Variants in TAFA2 observed in about 807,000 individuals in gnomAD.
TAFA2 encodes the protein TAFA chemokine like family member 2.
Under a neutral mutation model 18.8 loss-of-function variants are expected in TAFA2, and 7 were observed. The observed-to-expected ratio is 0.37, with a 90% CI of 0.21 to 0.70. TAFA2 has a LOEUF of 0.70. Among genes scored for constraint, TAFA2 ranks in the 30% least tolerant of loss-of-function variants. The probability of loss-of-function intolerance (pLI) is 0.53; values close to 1 mark genes in which losing one functional copy is unlikely to be tolerated. For missense variants in TAFA2, 122 were observed against 158.1 expected, an observed-to-expected ratio of 0.77 and a Z score of 1.23; for synonymous variants, 60 against 54.2, an observed-to-expected ratio of 1.11 and a Z score of -0.47.
chr12:61,763,648 G>T (rs541427671), intron 2 of TAFA2, among the ~76,000 whole-genome samples: 46 of 152,044 alleles, frequency 3.0e-4, no homozygotes, highest in African/African-American at 1.0e-3. Flanking sequence ...CTGCAGAACA[G>T]ACACATGGAA....
intron 1 of TAFA2, among the ~76,000 whole-genome samples, chr12:61,977,439 T>A (rs1879477481): frequency 3.3e-5 from 5 of 152,076 alleles, no homozygotes; most frequent in Admixed American, 3.3e-4. Context: ...GATACCTTAT[T>A]GTTTGACTTT....
chr12:62,075,723 A>C (rs1271285339), intron 1 of TAFA2, among the ~76,000 whole-genome samples: 8 of 152,186 alleles, frequency 5.3e-5, no homozygotes, highest in Admixed American at 1.3e-4. Context: ...TTTATGGTCA[A>C]TTACCAGTAA....
At chr12:62,203,744 A>G (rs1245657) in intron 1 of TAFA2, among the ~76,000 whole-genome samples, 135,290 of 152,232 alleles carry the variant, frequency 0.89, 60,230 homozygotes, top group Middle Eastern at 0.93. Flanking sequence ...CCATGAGCTC[A>G]GTCTCTTGAA....
At chr12:62,004,210 GAAGA>G (rs1412891938) in intron 1 of TAFA2, among the ~76,000 whole-genome samples, 9 of 152,098 alleles carry the variant, frequency 5.9e-5, no homozygotes, top group Admixed American at 3.9e-4. Flanking sequence ...AAGAAAGTGA[GAAGA>G]AAGATGAAAA....
chr12:62,105,761 A>T (rs75389656), intron 1 of TAFA2, among the ~76,000 whole-genome samples: 8,226 of 152,292 alleles, frequency 0.054, 331 homozygotes, highest in Non-Finnish European at 0.083. Context: ...TGTTAGCATT[A>T]AGAGGGATGT....
intron 1 of TAFA2, among the ~76,000 whole-genome samples, chr12:61,938,642 A>G (rs1877873084): frequency 6.6e-6 from 1 of 152,222 alleles, no homozygotes; most frequent in Admixed American, 6.5e-5. Context: ...TTGCAAAGAT[A>G]TGGAACCAAC....
intron 2 of TAFA2, among the ~76,000 whole-genome samples, chr12:61,768,099 C>A (rs978117912): frequency 6.6e-6 from 1 of 152,114 alleles, no homozygotes; most frequent in Non-Finnish European, 1.5e-5. Context: ...ATTCCCTCAA[C>A]AGGCATTGTG....
chr12:62,026,803 T>C (rs1261975808), intron 1 of TAFA2, among the ~76,000 whole-genome samples: 1 of 152,156 alleles, frequency 6.6e-6, no homozygotes, highest in Non-Finnish European at 1.5e-5. Context: ...AAAGAAAGCA[T>C]TTGGAATTGT....
At chr12:62,032,797 A>G (rs1490763372) in intron 1 of TAFA2, among the ~76,000 whole-genome samples, 1 of 152,222 alleles carries the variant, frequency 6.6e-6, no homozygotes, top group Non-Finnish European at 1.5e-5. Context: ...TCAGACAAAA[A>G]GAAACAGAAG....
chr12:61,723,266 A>G (rs1401065709), intron 4 of TAFA2, among the ~76,000 whole-genome samples: 6 of 152,194 alleles, frequency 3.9e-5, no homozygotes, highest in Non-Finnish European at 8.8e-5. Context: ...TATTGGAGAA[A>G]AAGAATATTA....
chr12:62,014,999 GT>G (rs1475566549), intron 1 of TAFA2, among the ~76,000 whole-genome samples: 1 of 152,056 alleles, frequency 6.6e-6, no homozygotes, highest in East Asian at 1.9e-4. Flanking sequence ...AACCAAAACT[GT>G]TTTCCAAAAA....
intron 2 of TAFA2, among the ~76,000 whole-genome samples, chr12:61,839,215 T>C (rs557999378): frequency 1.3e-5 from 2 of 152,184 alleles, no homozygotes; most frequent in South Asian, 4.1e-4. Context: ...AAGATGCAGA[T>C]GAACTTGTTT....
intron 1 of TAFA2, among the ~76,000 whole-genome samples, chr12:62,172,238 C>T (rs2062483103): frequency 1.3e-5 from 2 of 152,102 alleles, no homozygotes. Flanking sequence ...TTCCTCCCTT[C>T]CTTCCTCCCT....
chr12:62,122,423 C>T (rs1870239417), intron 1 of TAFA2, among the ~76,000 whole-genome samples: 1 of 152,194 alleles, frequency 6.6e-6, no homozygotes, highest in African/African-American at 2.4e-5. Context: ...AACACATCAG[C>T]TCTTTGAGGA....
At chr12:61,957,151 T>G (rs1878722864) in intron 1 of TAFA2, among the ~76,000 whole-genome samples, 2 of 152,168 alleles carry the variant, frequency 1.3e-5, no homozygotes, top group African/African-American at 4.8e-5. Flanking sequence ...GCTTCTCAAA[T>G]GGCAATGACT....
At position 62,251,579 on chromosome 12, in the gene TAFA2, AAGTGCTCTC is replaced by A. The variant is rs564944787; in HGVS notation, c.-130+7175_-130+7183del. On this transcript the variant is annotated intron_variant, in intron 1 of 5. Coordinates refer to the TAFA2 transcript ENST00000551619. ...CTGAGATGGAAAATAGCCTGTAAAG[AAGTGCTCTC>A]AGGATCAACACTTGTGGAAGAAAGG... Among the ~76,000 whole-genome samples the A allele has an allele frequency of 4.1e-3, 621 of 152,316 alleles. 3 individuals carry two copies. The highest frequency in any genetic ancestry group is 5.6e-3 in the Non-Finnish European group (379 of 68,028).
chr12:61,728,220 T>G (rs543451345), intron 4 of TAFA2, among the ~76,000 whole-genome samples: 1 of 152,214 alleles, frequency 6.6e-6, no homozygotes, highest in East Asian at 1.9e-4. Flanking sequence ...TAGAATGTTC[T>G]GTAAATATCT....
chr12:62,194,326 C>T (rs114973925), upstream of TAFA2, among the ~76,000 whole-genome samples: 2 of 1,078 alleles, frequency 1.9e-3, no homozygotes, highest in African/African-American at 3.7e-3. Context: ...CACACACACA[C>T]ATACAAAAAA....
At chr12:61,969,316 A>G (rs1409050503) in intron 1 of TAFA2, among the ~76,000 whole-genome samples, 5 of 151,898 alleles carry the variant, frequency 3.3e-5, no homozygotes, top group Admixed American at 6.6e-5. Flanking sequence ...CTTGAAGACT[A>G]TTATTCATTA....
Sources: allele counts gnomAD v4.1 joint callset (sites outside exome capture counted in the v4.1 genomes callset), GRCh38; gene constraint gnomAD v4.1.1; transcripts MANE v1.5; gene names NCBI Gene and HGNC (gene_info 2026-07-23, HGNC 2026-07-21).